The following NELL1 variants were observed in gnomAD, a reference collection of about 807,000 sequenced individuals.
The protein encoded by NELL1 is protein kinase C-binding protein NELL1.
Under a neutral mutation model 107.4 loss-of-function variants are expected in NELL1, and 76 were observed. The observed-to-expected ratio is 0.71, with a 90% CI of 0.59 to 0.86. The LOEUF (loss-of-function observed/expected upper bound fraction) is 0.86. NELL1 is among the 40% of genes least tolerant of loss of function. NELL1 has a pLI of 0.00. For synonymous variants in NELL1, 353 were observed against 341.2 expected, an observed-to-expected ratio of 1.03 and a Z score of -0.38; for missense variants, 1,024 against 1,005.5, an observed-to-expected ratio of 1.02 and a Z score of -0.25.
At chr11:21,423,846 A>G (rs1252234053) in intron 15 of NELL1, among the ~76,000 whole-genome samples, 2 of 152,238 alleles carry the variant, frequency 1.3e-5, no homozygotes, top group African/African-American at 2.4e-5. Context: ...ACAAATTGGT[A>G]GAAGATAAAC....
At chr11:21,342,593 A>G (rs1399716728) in intron 14 of NELL1, among the ~76,000 whole-genome samples, 3 of 150,936 alleles carry the variant, frequency 2.0e-5, no homozygotes, top group African/African-American at 4.9e-5. Flanking sequence ...GGAGTGAGCC[A>G]TGATCATGCC....
At chr11:21,522,638 C>A (rs1365216372) in intron 15 of NELL1, among the ~76,000 whole-genome samples, 1 of 151,968 alleles carries the variant, frequency 6.6e-6, no homozygotes, top group Admixed American at 6.6e-5. Context: ...GATGGACACA[C>A]GAGAAGCCCT....
chr11:20,841,053 A>C (rs80327544), intron 3 of NELL1, among the ~76,000 whole-genome samples: 3,481 of 152,234 alleles, frequency 0.023, 126 homozygotes, highest in African/African-American at 0.08. Flanking sequence ...TTACTGACTC[A>C]AGGTAGACTA....
intron 13 of NELL1, among the ~76,000 whole-genome samples, chr11:21,225,264 G>T (rs1161368056): frequency 6.6e-6 from 1 of 152,140 alleles, no homozygotes; most frequent in Admixed American, 6.5e-5. Context: ...GGAGTGCAAA[G>T]GACTCAGTGT....
intron 13 of NELL1, among the ~76,000 whole-genome samples, chr11:21,194,383 G>A (rs1439467000): frequency 6.6e-6 from 1 of 152,168 alleles, no homozygotes; most frequent in African/African-American, 2.4e-5. Flanking sequence ...GGAGGACCGG[G>A]TTGCTCAGTG....
intron 2 of NELL1, among the ~76,000 whole-genome samples, chr11:20,779,960 T>C (rs970368162): frequency 6.6e-6 from 1 of 152,264 alleles, no homozygotes; most frequent in African/African-American, 2.4e-5. Context: ...CCAGTGTTTC[T>C]GCCTGCATAT....
intron 15 of NELL1, among the ~76,000 whole-genome samples, chr11:21,422,903 T>A (rs1852721857): frequency 6.6e-6 from 1 of 151,974 alleles, no homozygotes; most frequent in Non-Finnish European, 1.5e-5. Flanking sequence ...GCAGAATGGG[T>A]TTTTTAAACA....
intron 14 of NELL1, among the ~76,000 whole-genome samples, chr11:21,320,465 A>AG (rs1440955088): frequency 3.3e-5 from 5 of 152,296 alleles, no homozygotes; most frequent in African/African-American, 1.2e-4. Flanking sequence ...AATATTGAAA[A>AG]TATTTGGTGT....
intron 10 of NELL1, 122 bp from the exon 11 acceptor site, chr11:20,947,214 C>T: frequency 4.7e-6 from 3 of 642,990 alleles, no homozygotes; most frequent in Admixed American, 2.5e-5. Flanking sequence ...TAGTGGAATC[C>T]CTGGGAGTAT....
intron 15 of NELL1, among the ~76,000 whole-genome samples, chr11:21,445,272 G>GT (rs1410998029): frequency 5.9e-5 from 9 of 151,542 alleles, no homozygotes; most frequent in African/African-American, 1.7e-4. Context: ...CAGTGAGTTG[G>GT]TTTTTTTTGT....
chr11:20,948,821 A>G (rs1851016555), intron 11 of NELL1, among the ~76,000 whole-genome samples: 1 of 151,692 alleles, frequency 6.6e-6, no homozygotes, highest in East Asian at 1.9e-4. Flanking sequence ...TTAAAACTAT[A>G]TCTACCATAA....
At chr11:21,205,744 A>G (rs1373648677) in intron 13 of NELL1, among the ~76,000 whole-genome samples, 1 of 152,138 alleles carries the variant, frequency 6.6e-6, no homozygotes, top group Non-Finnish European at 1.5e-5. Context: ...ATTCCTCAAC[A>G]AAGTAGATGG....
rs1163644356 is a variant in NELL1, at chr11:21,489,380, C to CAAA, written c.1646-44968_1646-44966dup. Among the ~76,000 whole-genome samples, 47 of 47,790 alleles carry CAAA rather than the reference C, an allele frequency of 9.8e-4. 5 individuals carry two copies. The highest frequency in any genetic ancestry group is 2.7e-3 in the African/African-American group (41 of 15,386). The allele number at this position is 47,790 out of a possible 152,430, so 31.4% of individuals were successfully genotyped here. ...AACACCAATCTTCCTGAAAGTATTT[C>CAAA]AAAAAAAAAAAAAAAAAAAAAAAAA... On this transcript the variant is annotated intron_variant, in intron 15 of 19. Coordinates refer to ENST00000357134, the MANE Select transcript of NELL1 (RefSeq NM_006157.5).
At chr11:20,972,178 C>T (rs1851515101) in intron 12 of NELL1, among the ~76,000 whole-genome samples, 2 of 151,890 alleles carry the variant, frequency 1.3e-5, no homozygotes, top group Non-Finnish European at 2.9e-5. Flanking sequence ...GTACATATAT[C>T]CCAGAACTTA....
At chr11:21,545,054 A>G (rs1856402917) in intron 16 of NELL1, among the ~76,000 whole-genome samples, 2 of 152,002 alleles carry the variant, frequency 1.3e-5, no homozygotes, top group Non-Finnish European at 2.9e-5. Flanking sequence ...ATTACTCAAA[A>G]CAACTGTTGA....
At chr11:20,735,547 G>T (rs1044390820) in intron 2 of NELL1, among the ~76,000 whole-genome samples, 1 of 152,124 alleles carries the variant, frequency 6.6e-6, no homozygotes. Flanking sequence ...CTCCAACCAG[G>T]TCCCTCCTAC....
intron 4 of NELL1, among the ~76,000 whole-genome samples, chr11:20,864,798 T>A (rs1849063641): frequency 6.6e-6 from 1 of 152,222 alleles, no homozygotes; most frequent in Admixed American, 6.5e-5. Flanking sequence ...TCCTGTCAGC[T>A]CTTGCCTTTT....
intron 2 of NELL1, among the ~76,000 whole-genome samples, chr11:20,700,449 A>G (rs555748429): frequency 3.9e-5 from 6 of 152,256 alleles, no homozygotes; most frequent in Non-Finnish European, 8.8e-5. Context: ...ACTGCATTCC[A>G]GCCTGAGCAA....
intron 1 of NELL1, among the ~76,000 whole-genome samples, chr11:20,674,806 T>G (rs1022542542): frequency 6.6e-6 from 1 of 152,178 alleles, no homozygotes; most frequent in Non-Finnish European, 1.5e-5. Flanking sequence ...GTTTGGGTGG[T>G]TGAAGCCTTG....
Sources: gnomAD v4.1 joint callset for allele counts (sites outside exome capture counted in the v4.1 genomes callset) on GRCh38, gnomAD v4.1.1 for gene constraint, MANE v1.5 for transcripts, NCBI Gene and HGNC (gene_info 2026-07-23, HGNC 2026-07-21) for gene names.